Variants in PAPPA observed in about 807,000 individuals in gnomAD.
PAPPA encodes the protein pappalysin-1.
Under a neutral mutation model 164.0 loss-of-function variants are expected in PAPPA, and 60 were observed. The observed-to-expected ratio is 0.37, with a 90% CI of 0.30 to 0.45. The LOEUF (loss-of-function observed/expected upper bound fraction) is 0.45. PAPPA is among the 20% of genes least tolerant of loss of function. The pLI, the probability that PAPPA is intolerant of heterozygous loss-of-function variation, is 1.00. For synonymous variants in PAPPA, 875 were observed against 814.1 expected (o/e 1.07, Z -1.27); for missense variants, 1,782 against 2,087.3 (o/e 0.85, Z 2.85).
At position 116,352,828 on chromosome 9, in the gene PAPPA, C is replaced by T; in HGVS notation, c.4087C>T (p.Arg1363Ter). 2.5e-6 allele frequency: 4 copies of T among 1,613,854 alleles called. No homozygotes were observed. Among genetic ancestry groups the T allele is most frequent in the Non-Finnish European group, 2.5e-6 (3 of 1,179,878 alleles). The part of the protein sequence containing the change: ...PNADLQTARC[R>*]ENKHKVGSFC... ...TGCAGACCTCCAGACCGCCCGGTGC[C>T]GAGAGAATAAGCACAAGGTGGGCTC... The change falls in exon 16 of 22, where the codon CGA becomes TGA. Residue 1363 changes from arginine to a stop codon, truncating the protein, a stop_gained. Transcript: ENST00000328252. LOFTEE classifies it high-confidence loss of function.
At chr9:116,313,459 A>G (rs571806528) in intron 10 of PAPPA, among the ~76,000 whole-genome samples, 3 of 152,242 alleles carry the variant, frequency 2.0e-5, no homozygotes, top group Non-Finnish European at 4.4e-5. Flanking sequence ...TCAGAGATGC[A>G]GATGCCACCT....
intron 1 of PAPPA, among the ~76,000 whole-genome samples, chr9:116,169,458 T>G (rs1843752639): frequency 6.6e-6 from 1 of 151,436 alleles, no homozygotes; most frequent in South Asian, 2.1e-4. Context: ...TAGCTGGCAT[T>G]ACAGGCACCT....
intron 17 of PAPPA, among the ~76,000 whole-genome samples, chr9:116,361,883 T>C (rs1846431459): frequency 6.6e-6 from 1 of 152,186 alleles, no homozygotes; most frequent in Admixed American, 6.5e-5. Flanking sequence ...CAAGAAGGGA[T>C]TATGTCTTCA....
rs145134071 is a variant in PAPPA, at chr9:116,284,287, T to G, written c.2953+12871T>G. Among the ~76,000 whole-genome samples the G allele has an allele frequency of 1.3e-3, 205 of 152,330 alleles. 1 individual carries two copies. The highest frequency in any genetic ancestry group is 4.8e-3 in the African/African-American group (201 of 41,582). ...AGGGAAGTCATGCATGAGATTCTAT[T>G]AAATAGCATGTTCAAACAGACATAT... On this transcript the variant is annotated intron_variant, in intron 9 of 21. Coordinates refer to ENST00000328252, the MANE Select transcript of PAPPA (RefSeq NM_002581.5).
chr9:116,233,743 A>G (rs190964068), intron 6 of PAPPA, among the ~76,000 whole-genome samples: 21 of 152,120 alleles, frequency 1.4e-4, no homozygotes, highest in African/African-American at 4.8e-4. Context: ...ACTCCAAATA[A>G]CTTTCTAGTA....
chr9:116,212,724 A>G (rs181521001), intron 4 of PAPPA, among the ~76,000 whole-genome samples: 27 of 152,306 alleles, frequency 1.8e-4, no homozygotes, highest in African/African-American at 6.5e-4. Flanking sequence ...TAGGAAAGGA[A>G]GAAGTAAAGA....
In PAPPA at chr9:116,302,943, C is replaced by G; in HGVS notation, c.3140C>G (p.Ala1047Gly). Residue 1047 changes from alanine to glycine, a missense_variant, in exon 10 of 22, where the codon GCA (alanine) becomes GGA (glycine). Ala to Gly is a moderately conservative substitution (Grantham distance 60, BLOSUM62 0). Coordinates refer to ENST00000328252, the MANE Select transcript of PAPPA (RefSeq NM_002581.5). ...PGWVIIGQPAASQVCRTKVID... is the reference protein window; with the variant it reads ...PGWVIIGQPAGSQVCRTKVID... ...TGGGTCATCATCGGACAGCCAGCAG[C>G]ATCCCAGGTAAGATCCTAACCATGT... is the stretch of plus-strand genomic sequence containing the variant. 1 of 1,613,254 alleles carries G rather than the reference C, an allele frequency of 6.2e-7. No individual in the cohort carries two copies. The highest frequency in any genetic ancestry group is 8.5e-7 in the Non-Finnish European group (1 of 1,179,746).
chr9:116,201,752 T>C (rs1844173734), intron 2 of PAPPA, among the ~76,000 whole-genome samples: 1 of 152,204 alleles, frequency 6.6e-6, no homozygotes, highest in Admixed American at 6.5e-5. Flanking sequence ...AGCCACTTTG[T>C]GGAAGAAGGA....
Position 116,332,394 on chromosome 9 carries a change from C to G in PAPPA, c.3323C>G (p.Thr1108Arg). Reference protein sequence around the residue: ...AVIVHLVTDGTYYGDQKQETI... With the variant: ...AVIVHLVTDGRYYGDQKQETI... ...ATTGTCCACCTGGTGACGGATGGGA[C>G]ATATTATGGGGACCAAAAGCAGGAG... The change falls in exon 12 of 22, where the codon ACA becomes AGA. Residue 1108 changes from threonine (T) to arginine (R), a missense_variant. Coordinates refer to ENST00000328252, the MANE Select transcript of PAPPA (RefSeq NM_002581.5). 6.2e-7 allele frequency: 1 copy of G among 1,613,916 alleles called. No homozygotes were observed. The highest frequency in any genetic ancestry group is 8.5e-7 in the Non-Finnish European group (1 of 1,179,814).
chr9:116,387,377 A>AGAT (rs1846828975), intron 21 of PAPPA, among the ~76,000 whole-genome samples: 1 of 152,146 alleles, frequency 6.6e-6, no homozygotes, highest in Non-Finnish European at 1.5e-5. Context: ...ACCCTGTTGT[A>AGAT]GATGTTGTTC....
chr9:116,330,199 C>T (rs974439653), intron 10 of PAPPA, among the ~76,000 whole-genome samples: 1 of 152,136 alleles, frequency 6.6e-6, no homozygotes, highest in African/African-American at 2.4e-5. Context: ...GTGAGAGAAG[C>T]CACATTAGAG....
At chr9:116,289,394 AGC>A (rs1564212497) in intron 9 of PAPPA, among the ~76,000 whole-genome samples, 2 of 76,896 alleles carry the variant, frequency 2.6e-5, no homozygotes, top group African/African-American at 9.0e-5. Flanking sequence ...ATGTATATAT[AGC>A]TATATATATA....
At chr9:116,338,940 G>A (rs1381223467) in intron 13 of PAPPA, among the ~76,000 whole-genome samples, 4 of 152,118 alleles carry the variant, frequency 2.6e-5, no homozygotes, top group Admixed American at 6.5e-5. Flanking sequence ...GCCTAAAAGC[G>A]GGGAAGGCTC....
intron 10 of PAPPA, among the ~76,000 whole-genome samples, chr9:116,312,673 G>A (rs1005667169): frequency 5.3e-5 from 8 of 152,160 alleles, no homozygotes; most frequent in South Asian, 2.1e-4. Flanking sequence ...AAGTCCCCTC[G>A]TCTCTACTCT....
rs1026537724 is a variant in PAPPA, at chr9:116,341,412, T to C, written c.3612-3131T>C. Reference sequence around the variant, plus strand: ...AGCTCCATCCTGTGCTGGAATTTTATACCTGCTCTTCCCTCTGCCTGATTA... The same window carrying C: ...AGCTCCATCCTGTGCTGGAATTTTACACCTGCTCTTCCCTCTGCCTGATTA... On this transcript the variant is annotated intron_variant, in intron 13 of 21. Coordinates refer to ENST00000328252, the MANE Select transcript of PAPPA (RefSeq NM_002581.5). 2.0e-5 allele frequency among the ~76,000 whole-genome samples: 3 copies of C among 152,216 alleles called. No homozygotes were observed. In the South Asian group the frequency reaches 6.2e-4, roughly 32 times the overall value.
At chr9:116,220,185 G>A in intron 5 of PAPPA, 56 bp downstream of exon 5, 1 of 1,384,826 alleles carries the variant, frequency 7.2e-7, no homozygotes, top group South Asian at 1.3e-5. Context: ...CAAGAAGAAG[G>A]AAACTTGGAA....
At chr9:116,184,668 A>C (rs993931412) in intron 1 of PAPPA, among the ~76,000 whole-genome samples, 1 of 152,218 alleles carries the variant, frequency 6.6e-6, no homozygotes, top group African/African-American at 2.4e-5. Context: ...ACGTACAACT[A>C]GTAACTGCTG....
chr9:116,277,916 C>T (rs1845221096), intron 9 of PAPPA, among the ~76,000 whole-genome samples: 1 of 152,208 alleles, frequency 6.6e-6, no homozygotes, highest in Non-Finnish European at 1.5e-5. Flanking sequence ...GATCTGCCTG[C>T]CTTGGCCTCC....
intron 7 of PAPPA, among the ~76,000 whole-genome samples, chr9:116,263,275 G>A (rs1047996264): frequency 3.3e-5 from 5 of 152,180 alleles, no homozygotes; most frequent in South Asian, 4.1e-4. Context: ...TCGCCCCAGG[G>A]TAAAGAGAAA....
Sources: gnomAD v4.1 joint callset for allele counts (sites outside exome capture counted in the v4.1 genomes callset) on GRCh38, gnomAD v4.1.1 for gene constraint, MANE v1.5 for transcripts, NCBI Gene and HGNC (gene_info 2026-07-23, HGNC 2026-07-21) for gene names.